Variants in DYM observed in about 807,000 individuals in gnomAD.
DYM encodes the protein dyggve-Melchior-Clausen syndrome protein.
DYM carries 78 observed loss-of-function variants against 93.1 expected under a neutral mutation model. The observed-to-expected ratio is 0.84, with a 90% CI of 0.70 to 1.01. DYM has a LOEUF of 1.01. DYM is among the 50% of genes least tolerant of loss of function. The probability of loss-of-function intolerance (pLI) is 0.00; values close to 1 mark genes in which losing one functional copy is unlikely to be tolerated. For missense variants in DYM, 789 were observed against 845.0 expected, an observed-to-expected ratio of 0.93 and a Z score of 0.82; for synonymous variants, 321 against 319.7, an observed-to-expected ratio of 1.00 and a Z score of -0.04.
chr18:49,196,170 C>T (rs550698709), intron 14 of DYM, among the ~76,000 whole-genome samples: 1 of 152,094 alleles, frequency 6.6e-6, no homozygotes, highest in Non-Finnish European at 1.5e-5. Context: ...AGGTGATCCA[C>T]CCGCCTTGGC....
rs527992872 is a variant in DYM at position 49,328,492 on chromosome 18, A to T, written c.763+3372T>A. Reference sequence around the variant, plus strand: ...AAAAGAAACTACCATCAAAGTGAACAGACAACCTACAGAATGGGAGAAAAT... The same window carrying T: ...AAAAGAAACTACCATCAAAGTGAACTGACAACCTACAGAATGGGAGAAAAT... On this transcript the variant is annotated intron_variant, in intron 8 of 17. Transcript: ENST00000675505. Among the ~76,000 whole-genome samples, 72 of 152,358 alleles carry T rather than the reference A, an allele frequency of 4.7e-4. 1 individual carries two copies. The highest frequency in any genetic ancestry group is 1.7e-3 in the African/African-American group (69 of 41,578).
At chr18:49,320,257 A>G (rs2062362696) in intron 8 of DYM, among the ~76,000 whole-genome samples, 1 of 152,166 alleles carries the variant, frequency 6.6e-6, no homozygotes, top group South Asian at 2.1e-4. Context: ...TTTTCCTCCA[A>G]CACTTATTAT....
chr18:49,427,599 C>T (rs1213026591), intron 2 of DYM, among the ~76,000 whole-genome samples: 3 of 151,628 alleles, frequency 2.0e-5, no homozygotes, highest in African/African-American at 4.8e-5. Context: ...AAAAAAAAGA[C>T]TTTACGATAC....
At chr18:49,407,636 C>A (rs922345938) in intron 2 of DYM, among the ~76,000 whole-genome samples, 3 of 152,160 alleles carry the variant, frequency 2.0e-5, no homozygotes, top group Non-Finnish European at 4.4e-5. Flanking sequence ...CAGGGGATGG[C>A]GCTAGCCATT....
At chr18:49,341,491 C>CAAAAA (rs10578063) in intron 6 of DYM, among the ~76,000 whole-genome samples, 3 of 64,920 alleles carry the variant, frequency 4.6e-5, no homozygotes, top group Admixed American at 2.1e-4. Flanking sequence ...GACTCCATCG[C>CAAAAA]AAAAAAAAAA....
At chr18:49,431,942 G>A (rs1250176387) in intron 1 of DYM, 1 of 152,126 alleles carries the variant, frequency 6.6e-6, no homozygotes, top group Admixed American at 6.5e-5. Context: ...AAGGGGACAG[G>A]GGCCCCAATA....
intron 13 of DYM, among the ~76,000 whole-genome samples, chr18:49,239,063 T>C (rs1193340671): frequency 2.0e-5 from 3 of 152,158 alleles, no homozygotes; most frequent in Admixed American, 1.3e-4. Flanking sequence ...AACAACTCAG[T>C]GGCCAGCAAG....
At chr18:49,326,831 A>C (rs1286872131) in intron 8 of DYM, among the ~76,000 whole-genome samples, 1 of 152,250 alleles carries the variant, frequency 6.6e-6, no homozygotes, top group Non-Finnish European at 1.5e-5. Context: ...ACGTAGAAGC[A>C]AATGGCTTTT....
At chr18:49,442,267 G>A (rs189856518) in intron 1 of DYM, among the ~76,000 whole-genome samples, 13 of 152,220 alleles carry the variant, frequency 8.5e-5, no homozygotes, top group East Asian at 5.8e-4. Flanking sequence ...AAAGCAGCCC[G>A]GGCATGGTGA....
intron 15 of DYM, among the ~76,000 whole-genome samples, chr18:49,143,516 T>C (rs759486071): frequency 2.0e-5 from 3 of 152,140 alleles, no homozygotes; most frequent in Non-Finnish European, 2.9e-5. Flanking sequence ...CTCATAAAAT[T>C]TGGCAAGCCG....
intron 5 of DYM, among the ~76,000 whole-genome samples, chr18:49,364,301 C>G (rs1178470291): frequency 6.6e-6 from 1 of 152,058 alleles, no homozygotes; most frequent in Non-Finnish European, 1.5e-5. Context: ...AAAAATTAGT[C>G]CAGCATGGTG....
chr18:49,168,028 G>A (rs745602436), intron 14 of DYM, among the ~76,000 whole-genome samples: 1 of 151,974 alleles, frequency 6.6e-6, no homozygotes, highest in Non-Finnish European at 1.5e-5. Context: ...AAATAAGCAG[G>A]AATCCTTAGA....
chr18:49,187,207 T>C (rs1251572123), intron 14 of DYM, among the ~76,000 whole-genome samples: 1 of 152,152 alleles, frequency 6.6e-6, no homozygotes, highest in Non-Finnish European at 1.5e-5. Flanking sequence ...TGTGAGCCAC[T>C]GCGCCCGGCC....
At chr18:49,307,403 A>G (rs1001732482) in intron 8 of DYM, among the ~76,000 whole-genome samples, 1 of 152,132 alleles carries the variant, frequency 6.6e-6, no homozygotes, top group Admixed American at 6.6e-5. Context: ...TCAGCAGGAA[A>G]AAGATGAGCA....
At chr18:49,391,683 A>C (rs1213225697) in intron 2 of DYM, 38 bp from the exon 3 acceptor site, 1 of 1,524,296 alleles carries the variant, frequency 6.6e-7, no homozygotes, top group Non-Finnish European at 9.1e-7. Flanking sequence ...TAATGACTAT[A>C]ATACTAAATA....
At position 49,378,386 on chromosome 18, in the gene DYM, A is replaced by C. The variant is rs554209663; in HGVS notation, c.421+181T>G. On this transcript the variant is annotated intron_variant, in intron 5 of 17. Transcript: ENST00000675505. ...TTAAAACGAAAAACAAAAACAAAAA[A>C]CGCTTGAGTCTTGACTCATTTAAAT... Among the ~76,000 whole-genome samples the C allele has an allele frequency of 3.5e-4, 54 of 152,256 alleles. 1 individual carries two copies. The South Asian group carries it at 9.9e-3, about 28-fold the overall frequency.
intron 1 of DYM, among the ~76,000 whole-genome samples, chr18:49,441,191 AATATATT>A (rs1568453951): frequency 1.2e-4 from 4 of 33,634 alleles, no homozygotes; most frequent in African/African-American, 2.3e-4. Flanking sequence ...ATTTATATAT[AATATATT>A]ATATATTATA....
At chr18:49,459,348 C>A (rs1207539864) in intron 1 of DYM, among the ~76,000 whole-genome samples, 1 of 152,134 alleles carries the variant, frequency 6.6e-6, no homozygotes, top group Non-Finnish European at 1.5e-5. Context: ...AGAGGATTAT[C>A]TAAAATAAAA....
chr18:49,108,022 G>A (rs963239239), intron 16 of DYM, among the ~76,000 whole-genome samples: 1 of 152,266 alleles, frequency 6.6e-6, no homozygotes, highest in South Asian at 2.1e-4. Context: ...TACAGAGGCA[G>A]GCAGGCCTCC....
Sources: gnomAD v4.1 joint callset for allele counts (sites outside exome capture counted in the v4.1 genomes callset) on GRCh38, gnomAD v4.1.1 for gene constraint, MANE v1.5 for transcripts, NCBI Gene and HGNC (gene_info 2026-07-23, HGNC 2026-07-21) for gene names.